NRG3: variants seen among roughly 807,000 people sequenced by gnomAD.
NRG3 encodes pro-neuregulin-3, membrane-bound isoform.
A neutral mutation model predicts 66.9 loss-of-function variants in NRG3; 31 were observed. The observed-to-expected ratio is 0.46, with a 90% confidence interval of 0.35 to 0.63. The LOEUF is 0.63. Among genes scored for constraint, NRG3 ranks in the 20% least tolerant of loss-of-function variants. The pLI is 0.00. For missense variants in NRG3, 910 were observed against 878.9 expected (o/e 1.04, Z -0.45); for synonymous variants, 393 against 359.4 (o/e 1.09, Z -1.06).
intron 2 of NRG3, among the ~76,000 whole-genome samples, chr10:82,611,108 A>G (rs1480994832): frequency 6.6e-6 from 1 of 152,064 alleles, no homozygotes; most frequent in African/African-American, 2.4e-5. Context: ...TGTCATCTCC[A>G]TAATAAATGA....
intron 1 of NRG3, among the ~76,000 whole-genome samples, chr10:82,174,004 A>G (rs1589215834): frequency 6.6e-6 from 1 of 152,064 alleles, no homozygotes; most frequent in Non-Finnish European, 1.5e-5. Context: ...AATTCCTACA[A>G]TTCAGGTTCT....
chr10:82,266,005 C>G (rs1444744966), intron 1 of NRG3, among the ~76,000 whole-genome samples: 1 of 152,120 alleles, frequency 6.6e-6, no homozygotes, highest in African/African-American at 2.4e-5. Context: ...AATTGATTTT[C>G]TCTTCAAGAA....
chr10:82,358,555 G>C (rs1424011088), intron 1 of NRG3, among the ~76,000 whole-genome samples, 184 bp from the exon 2 acceptor site: 1 of 152,154 alleles, frequency 6.6e-6, no homozygotes, highest in Non-Finnish European at 1.5e-5. Context: ...TAAGACAATT[G>C]AATATAGTGG....
chr10:82,847,519 G>A (rs1591709947), intron 3 of NRG3, among the ~76,000 whole-genome samples: 1 of 152,108 alleles, frequency 6.6e-6, no homozygotes. Context: ...TTACTGAAAG[G>A]TACAGTCTGG....
chr10:82,464,708 G>A (rs1840517065), intron 2 of NRG3, among the ~76,000 whole-genome samples: 1 of 152,176 alleles, frequency 6.6e-6, no homozygotes, highest in Non-Finnish European at 1.5e-5. Context: ...TAGATTCAAT[G>A]CACAATGAGA....
intron 2 of NRG3, among the ~76,000 whole-genome samples, chr10:82,479,781 CA>C (rs780820867): frequency 4.6e-5 from 7 of 150,814 alleles, no homozygotes; most frequent in Non-Finnish European, 8.8e-5. Flanking sequence ...TCCTGGCTAA[CA>C]TGGTAAAACT....
intron 1 of NRG3, among the ~76,000 whole-genome samples, chr10:81,936,974 C>G (rs948663703): frequency 6.6e-6 from 1 of 152,136 alleles, no homozygotes; most frequent in Non-Finnish European, 1.5e-5. Context: ...AACCTCAGTT[C>G]CCTTTGAAAA....
intron 4 of NRG3, among the ~76,000 whole-genome samples, chr10:82,882,833 G>A (rs953410400): frequency 1.3e-5 from 2 of 151,990 alleles, no homozygotes; most frequent in African/African-American, 2.4e-5. Context: ...CCTGTTTAAG[G>A]TGGGTAACAG....
chr10:82,661,023 C>A (rs778491159), intron 2 of NRG3, among the ~76,000 whole-genome samples: 8 of 152,080 alleles, frequency 5.3e-5, no homozygotes, highest in Non-Finnish European at 7.4e-5. Flanking sequence ...AAATTAAGAA[C>A]CTATTTTTCC....
In NRG3 at chr10:82,689,459, G is replaced by T. The variant is rs117170958; in HGVS notation, c.954-49118G>T. On this transcript the variant is annotated intron_variant, in intron 2 of 8. Transcript: ENST00000372141. ...TGTCTAGAAATCTTAAAAAGCATCA[G>T]AATTACCATTAATGATGATGATCAC... Among the ~76,000 whole-genome samples the T allele has an allele frequency of 3.9e-3, 599 of 152,156 alleles. 2 individuals carry two copies. The highest frequency in any genetic ancestry group is 0.01 in the Middle Eastern group (3 of 294).
chr10:82,055,838 G>A (rs138415937), intron 1 of NRG3, among the ~76,000 whole-genome samples: 1 of 152,158 alleles, frequency 6.6e-6, no homozygotes, highest in African/African-American at 2.4e-5. Flanking sequence ...GGAGATAAAG[G>A]CAGGTTTATC....
chr10:82,826,488 T>A (rs1023929139), intron 3 of NRG3, among the ~76,000 whole-genome samples: 5 of 152,084 alleles, frequency 3.3e-5, no homozygotes, highest in Admixed American at 3.3e-4. Context: ...ACCTGGGTGT[T>A]AGGAAACACA....
intron 2 of NRG3, among the ~76,000 whole-genome samples, chr10:82,549,731 C>T (rs539844209): frequency 5.3e-5 from 8 of 152,208 alleles, no homozygotes; most frequent in African/African-American, 1.9e-4. Context: ...ACCTTCTCAT[C>T]AATGTTGGAT....
intron 2 of NRG3, among the ~76,000 whole-genome samples, chr10:82,402,223 G>A (rs1252449296): frequency 6.6e-6 from 1 of 151,918 alleles, no homozygotes; most frequent in Non-Finnish European, 1.5e-5. Context: ...TATTTATTAA[G>A]AATAAATAGT....
intron 2 of NRG3, among the ~76,000 whole-genome samples, chr10:82,420,314 G>C (rs556199392): frequency 6.6e-6 from 1 of 152,074 alleles, no homozygotes; most frequent in Non-Finnish European, 1.5e-5. Flanking sequence ...GTCATAATTA[G>C]GGATGCAATG....
chr10:82,788,834 A>G (rs931144591), intron 3 of NRG3, among the ~76,000 whole-genome samples: 2 of 151,766 alleles, frequency 1.3e-5, no homozygotes, highest in Admixed American at 1.3e-4. Context: ...GGCTTATTTC[A>G]CTTAGGGTAA....
chr10:82,929,087 T>C (rs921845428), intron 4 of NRG3, among the ~76,000 whole-genome samples: 1 of 152,152 alleles, frequency 6.6e-6, no homozygotes, highest in Non-Finnish European at 1.5e-5. Flanking sequence ...CTAAAATGGA[T>C]CGTTTTATCC....
intron 2 of NRG3, among the ~76,000 whole-genome samples, chr10:82,714,350 TTC>T (rs942815296): frequency 7.9e-5 from 12 of 152,180 alleles, no homozygotes; most frequent in African/African-American, 1.2e-4. Context: ...GAACTTTCCT[TTC>T]CACAGTAAGA....
At chr10:82,781,204 C>A (rs1303762107) in intron 3 of NRG3, among the ~76,000 whole-genome samples, 1 of 152,110 alleles carries the variant, frequency 6.6e-6, no homozygotes, top group East Asian at 1.9e-4. Context: ...GTTGTGTTAT[C>A]TTTAAGGTTT....
Sources: gnomAD v4.1 joint callset for allele counts (sites outside exome capture counted in the v4.1 genomes callset) on GRCh38, gnomAD v4.1.1 for gene constraint, MANE v1.5 for transcripts, NCBI Gene and HGNC (gene_info 2026-07-23, HGNC 2026-07-21) for gene names.